SGIP1: variants seen among roughly 807,000 people sequenced by gnomAD.
SGIP1 encodes the protein SH3GL interacting endocytic adaptor 1, also known as SH3-containing GRB2-like protein 3-interacting protein 1.
In SGIP1, 38 loss-of-function variants were observed where a neutral mutation model predicts 107.5. The observed-to-expected ratio is 0.35, with a 90% CI of 0.27 to 0.46. The LOEUF (loss-of-function observed/expected upper bound fraction) is 0.46, where lower values mean the gene tolerates loss of function less well. Ranked by LOEUF, SGIP1 falls within the 20% of genes least tolerant of loss-of-function variation. SGIP1 has a pLI of 1.00. For missense variants in SGIP1, 929 were observed against 1,019.5 expected, an observed-to-expected ratio of 0.91 and a Z score of 1.21; for synonymous variants, 365 against 366.1, an observed-to-expected ratio of 1.00 and a Z score of 0.03.
intron 6 of SGIP1, 21 bp from the exon 7 acceptor site, chr1:66,643,523 G>C: frequency 6.3e-7 from 1 of 1,586,780 alleles, no homozygotes; most frequent in Non-Finnish European, 8.6e-7. Context: ...AAAGAGTTAT[G>C]TATCTTTAAC....
At chr1:66,731,726 T>G (rs1025277703) in intron 20 of SGIP1, among the ~76,000 whole-genome samples, 7 of 152,172 alleles carry the variant, frequency 4.6e-5, no homozygotes, top group African/African-American at 1.7e-4. Context: ...TGACCAAGCA[T>G]GATTCTAGAT....
chr1:66,610,240 A>T (rs1173712144), intron 1 of SGIP1, among the ~76,000 whole-genome samples: 1 of 152,210 alleles, frequency 6.6e-6, no homozygotes, highest in Non-Finnish European at 1.5e-5. Flanking sequence ...TACCACAGAA[A>T]CTAGGTATGA....
chr1:66,689,331 C>T (rs923510407), intron 16 of SGIP1, 56 bp downstream of exon 16: 10 of 1,579,074 alleles, frequency 6.3e-6, no homozygotes, highest in Non-Finnish European at 6.0e-6. Context: ...CAAACAGAAG[C>T]TCCAAATGCC....
chr1:66,572,377 T>A (rs1278650601), intron 1 of SGIP1, among the ~76,000 whole-genome samples: 1 of 152,082 alleles, frequency 6.6e-6, no homozygotes, highest in East Asian at 1.9e-4. Flanking sequence ...CTGGGATTTA[T>A]CTTTAGAGAA....
chr1:66,689,118 C>G (rs756736261), intron 15 of SGIP1, 30 bp from the exon 16 acceptor site: 2 of 1,602,562 alleles, frequency 1.2e-6, no homozygotes. Context: ...CCTGTGTTTC[C>G]AGCCATTTTA....
At position 66,625,873 on chromosome 1, in the gene SGIP1, T is replaced by A; in HGVS notation, c.37T>A (p.Phe13Ile). 1 of 1,612,636 alleles carries A rather than the reference T, an allele frequency of 6.2e-7. No individual in the cohort carries two copies. The highest frequency in any genetic ancestry group is 8.5e-7 in the Non-Finnish European group (1 of 1,179,090). ...EGLKKRTRKA[F>I]GIRKKEKDTD... ...ATTGAAAAAACGTACAAGGAAGGCC[T>A]TTGGAATACGGAAGAAAGAAAAGGA... Residue 13 changes from phenylalanine to isoleucine, a missense_variant, in exon 2 of 25, where the codon TTT (phenylalanine) becomes ATT (isoleucine). Coordinates refer to ENST00000371037, the MANE Select transcript of SGIP1 (RefSeq NM_032291.4).
At position 66,690,527 on chromosome 1, in the gene SGIP1, C is replaced by T. The variant is rs932004979; in HGVS notation, c.1570+211C>T. ...ATGAACAAATAAAAGAACATTAACACCTGTGTTTTGCAGGAATTTTCTTAT... is the reference window on the plus strand; with the variant it reads ...ATGAACAAATAAAAGAACATTAACATCTGTGTTTTGCAGGAATTTTCTTAT... On this transcript the variant is annotated intron_variant, in intron 17 of 24. Coordinates refer to ENST00000371037, the MANE Select transcript of SGIP1 (RefSeq NM_032291.4). The T allele has an allele frequency of 8.4e-6, 5 of 595,542 alleles. No individual in the cohort carries two copies. The Admixed American group carries it at 1.3e-4, about 15-fold the overall frequency. 36.9% of individuals were successfully genotyped at this position (595,542 alleles called of 1,614,324 possible).
intron 1 of SGIP1, among the ~76,000 whole-genome samples, chr1:66,612,951 T>C (rs1418671520): frequency 6.6e-6 from 1 of 152,202 alleles, no homozygotes; most frequent in Non-Finnish European, 1.5e-5. Flanking sequence ...TTTTAAGAGT[T>C]AAAAACTGTT....
intron 1 of SGIP1, among the ~76,000 whole-genome samples, chr1:66,538,964 C>G (rs560421961): frequency 1.3e-5 from 2 of 152,192 alleles, no homozygotes; most frequent in African/African-American, 4.8e-5. Context: ...TTTAGATACT[C>G]ATGACACTGG....
chr1:66,699,348 C>G (rs951730930), intron 18 of SGIP1, among the ~76,000 whole-genome samples: 3 of 152,172 alleles, frequency 2.0e-5, no homozygotes, highest in Non-Finnish European at 2.9e-5. Context: ...TTGCTGTTAA[C>G]AGTTGACTGC....
intron 8 of SGIP1, among the ~76,000 whole-genome samples, chr1:66,663,177 G>T (rs1013457763): frequency 3.3e-5 from 5 of 152,078 alleles, no homozygotes; most frequent in African/African-American, 7.2e-5. Context: ...AAGTTTTCCA[G>T]AATCTCACAA....
chr1:66,682,392 C>A, intron 15 of SGIP1, 23 bp downstream of exon 15: 1 of 1,581,402 alleles, frequency 6.3e-7, no homozygotes, highest in Non-Finnish European at 8.6e-7. Flanking sequence ...CTTGAGTGTG[C>A]TTCTTGTGAC....
At position 66,689,355 on chromosome 1, in the gene SGIP1, G is replaced by A. The variant is rs186518506; in HGVS notation, c.1443+80G>A. ...GCTCCAAATGCCTTCAGGTCTAAGC[G>A]TTTAGAGAACTCGTACAAACAACCC... On this transcript the variant is annotated intron_variant, in intron 16 of 24. Transcript: ENST00000371037. 1.4e-4 allele frequency: 210 copies of A among 1,518,872 alleles called. No homozygotes were observed. The African/African-American group carries it at 2.0e-3, about 14-fold the overall frequency. The allele number at this position is 1,518,872 out of a possible 1,614,324, so 94.1% of individuals were successfully genotyped here.
At chr1:66,660,958 G>T (rs1473467354) in intron 8 of SGIP1, among the ~76,000 whole-genome samples, 3 of 152,192 alleles carry the variant, frequency 2.0e-5, no homozygotes, top group African/African-American at 4.8e-5. Flanking sequence ...ATGGGGAGTT[G>T]TAGGGAAGCT....
intron 15 of SGIP1, chr1:66,684,209 T>C: frequency 3.2e-6 from 5 of 1,550,584 alleles, no homozygotes; most frequent in Non-Finnish European, 4.4e-6. Context: ...CTGGAGCCTA[T>C]GTTGTTAACC....
At chr1:66,565,751 T>A (rs2059553291) in intron 1 of SGIP1, among the ~76,000 whole-genome samples, 1 of 152,022 alleles carries the variant, frequency 6.6e-6, no homozygotes, top group East Asian at 1.9e-4. Context: ...ACACATTTAT[T>A]CAACACACTT....
At chr1:66,575,007 G>A (rs947946153) in intron 1 of SGIP1, among the ~76,000 whole-genome samples, 2 of 152,120 alleles carry the variant, frequency 1.3e-5, no homozygotes, top group African/African-American at 4.8e-5. Context: ...TTGTCAAAAT[G>A]TGGGCAAGCA....
At chr1:66,645,477 A>G (rs941359373) in intron 7 of SGIP1, among the ~76,000 whole-genome samples, 2 of 152,154 alleles carry the variant, frequency 1.3e-5, no homozygotes, top group Non-Finnish European at 2.9e-5. Flanking sequence ...TGTTAAGGGA[A>G]GCAGAGTGAA....
chr1:66,705,026 A>T (rs1464599042), intron 18 of SGIP1, among the ~76,000 whole-genome samples: 1 of 152,238 alleles, frequency 6.6e-6, no homozygotes, highest in Non-Finnish European at 1.5e-5. Context: ...TATTAAATCA[A>T]AGATTGGCTG....
Sources: gnomAD v4.1 joint callset for allele counts (sites outside exome capture counted in the v4.1 genomes callset) on GRCh38, gnomAD v4.1.1 for gene constraint, MANE v1.5 for transcripts, NCBI Gene and HGNC (gene_info 2026-07-23, HGNC 2026-07-21) for gene names.